The following TMCO1 variants were observed in gnomAD, a reference collection of about 807,000 sequenced individuals.
The protein encoded by TMCO1 is transmembrane and coiled-coil domains 1.
TMCO1 carries 29 observed loss-of-function variants against 29.3 expected under a neutral mutation model. That is an observed-to-expected ratio of 0.99 (90% CI 0.74 to 1.35). The LOEUF (loss-of-function observed/expected upper bound fraction) is 1.35, where lower values mean the gene tolerates loss of function less well. Among genes scored for constraint, TMCO1 ranks in the 40% most tolerant of loss-of-function variants. The pLI, the probability that TMCO1 is intolerant of heterozygous loss-of-function variation, is 0.00. For missense variants in TMCO1, 173 were observed against 225.5 expected, an observed-to-expected ratio of 0.77 and a Z score of 1.49; for synonymous variants, 80 against 77.1, an observed-to-expected ratio of 1.04 and a Z score of -0.20.
At chr1:165,741,134 A>G (rs531928112) in intron 6 of TMCO1, among the ~76,000 whole-genome samples, 1 of 152,190 alleles carries the variant, frequency 6.6e-6, no homozygotes, top group Non-Finnish European at 1.5e-5. Flanking sequence ...TTCTATTCCC[A>G]GTCTCTTAGT....
At chr1:165,766,987 A>C (rs1211593200) in intron 2 of TMCO1, among the ~76,000 whole-genome samples, 2 of 152,184 alleles carry the variant, frequency 1.3e-5, no homozygotes, top group African/African-American at 2.4e-5. Flanking sequence ...GCTGAGGTAC[A>C]TAATCAACAC....
chr1:165,725,958 G>A (rs1186301111), downstream of TMCO1: 1 of 665,718 alleles, frequency 1.5e-6, no homozygotes, highest in Non-Finnish European at 2.8e-6. Flanking sequence ...TCCTTACCAT[G>A]GAAACATAAT....
chr1:165,758,264 C>T (rs1366848612), intron 3 of TMCO1, among the ~76,000 whole-genome samples: 1 of 151,920 alleles, frequency 6.6e-6, no homozygotes, highest in Non-Finnish European at 1.5e-5. Context: ...ATTTCTGTTC[C>T]TCAAGACTCT....
intron 5 of TMCO1, among the ~76,000 whole-genome samples, chr1:165,744,519 C>T (rs1203964927): frequency 3.9e-5 from 6 of 151,978 alleles, no homozygotes; most frequent in South Asian, 2.1e-4. Flanking sequence ...AGGCTGGGCA[C>T]GGTGGCTCAC....
intron 6 of TMCO1, among the ~76,000 whole-genome samples, chr1:165,728,900 G>A (rs964986775): frequency 2.6e-5 from 4 of 151,830 alleles, no homozygotes; most frequent in Non-Finnish European, 4.4e-5. Flanking sequence ...AGTTCAAGAC[G>A]AGCTTGGACA....
chr1:165,744,813 T>A (rs962904794), intron 5 of TMCO1, among the ~76,000 whole-genome samples: 6 of 137,346 alleles, frequency 4.4e-5, no homozygotes, highest in Non-Finnish European at 8.0e-5. Flanking sequence ...AAAAAAAAAA[T>A]TTCAATTCTA....
At chr1:165,749,703 A>T (rs570471111) in intron 5 of TMCO1, among the ~76,000 whole-genome samples, 9 of 152,292 alleles carry the variant, frequency 5.9e-5, no homozygotes, top group South Asian at 4.1e-4. Flanking sequence ...CAGGAAAAAA[A>T]TTTTTCTATA....
chr1:165,760,600 G>C (rs536884177), intron 2 of TMCO1, among the ~76,000 whole-genome samples: 3 of 152,048 alleles, frequency 2.0e-5, no homozygotes, highest in Non-Finnish European at 2.9e-5. Context: ...TCAAGAGATT[G>C]AGATCATCCT....
chr1:165,729,769 G>T (rs1651069139), intron 6 of TMCO1, among the ~76,000 whole-genome samples: 1 of 152,162 alleles, frequency 6.6e-6, no homozygotes, highest in African/African-American at 2.4e-5. Context: ...AGCACAGTTA[G>T]AATTTAAACC....
chr1:165,749,508 T>G (rs1347016434), intron 5 of TMCO1, among the ~76,000 whole-genome samples: 1 of 152,122 alleles, frequency 6.6e-6, no homozygotes, highest in East Asian at 1.9e-4. Context: ...TATTTAAATA[T>G]AACAAGTAGG....
intron 2 of TMCO1, among the ~76,000 whole-genome samples, chr1:165,764,411 G>T (rs56207262): frequency 6.6e-6 from 1 of 152,170 alleles, no homozygotes; most frequent in African/African-American, 2.4e-5. Context: ...TAAAACTGCA[G>T]TTGTGACAAC....
In TMCO1 at chr1:165,727,146, T is replaced by A; in HGVS notation, c.*877A>T. ...GGCAGAAAATGAAGGCTATTGTGAC[T>A]AAAAGGAAGCTCTGCGAGATTAACA... On this transcript the variant is annotated 3_prime_UTR_variant, in exon 7 of 7. Transcript: ENST00000367881. 2.2e-6 allele frequency: 1 copy of A among 454,078 alleles called. No individual in the cohort carries two copies. Among genetic ancestry groups the A allele is most frequent in the Non-Finnish European group, 4.4e-6 (1 of 226,782 alleles). 28.1% of individuals were successfully genotyped at this position (454,078 alleles called of 1,614,324 possible). A position where few individuals can be genotyped will look rare whatever the true frequency, so the allele number is the denominator to read the frequency against.
intron 5 of TMCO1, among the ~76,000 whole-genome samples, chr1:165,751,435 G>T (rs1428026743): frequency 6.6e-6 from 1 of 152,066 alleles, no homozygotes; most frequent in African/African-American, 2.4e-5. Context: ...TGGGCGTGGT[G>T]GCTCACGCCT....
downstream of TMCO1, chr1:165,724,463 A>G (rs1243833114): frequency 4.4e-6 from 2 of 454,032 alleles, no homozygotes; most frequent in Non-Finnish European, 8.8e-6. Flanking sequence ...GTAAGAGGGC[A>G]GAGAGATGCT....
At chr1:165,724,980 CTCTCTT>C (rs780755534), downstream of TMCO1, 242 of 390,154 alleles carry the variant, frequency 6.2e-4, 1 homozygote, top group Middle Eastern at 5.5e-3. Context: ...GTTCTTTATT[CTCTCTT>C]TCTCTCTCTC....
At chr1:165,730,177 A>AAG (rs1651090738) in intron 6 of TMCO1, among the ~76,000 whole-genome samples, 1 of 148,864 alleles carries the variant, frequency 6.7e-6, no homozygotes, top group African/African-American at 2.5e-5. Flanking sequence ...CACACACAAA[A>AAG]AAAAAAAAAT....
At chr1:165,754,552 T>C (rs1652120355) in intron 3 of TMCO1, among the ~76,000 whole-genome samples, 1 of 152,222 alleles carries the variant, frequency 6.6e-6, no homozygotes. Context: ...TATATGCTTA[T>C]GTTACACCAA....
intron 5 of TMCO1, among the ~76,000 whole-genome samples, chr1:165,744,637 A>G (rs1651720612): frequency 6.6e-6 from 1 of 151,978 alleles, no homozygotes; most frequent in African/African-American, 2.4e-5. Context: ...CTAAAAATAC[A>G]AAATTAGCCG....
At chr1:165,759,736 A>C in intron 2 of TMCO1, 152 bp from the exon 3 acceptor site, 2 of 644,616 alleles carry the variant, frequency 3.1e-6, no homozygotes, top group Non-Finnish European at 2.8e-6. Context: ...GTCCACTCTC[A>C]TAGCTACTGA....
Sources: gnomAD v4.1 joint callset for allele counts (sites outside exome capture counted in the v4.1 genomes callset) on GRCh38, gnomAD v4.1.1 for gene constraint, MANE v1.5 for transcripts, NCBI Gene and HGNC (gene_info 2026-07-23, HGNC 2026-07-21) for gene names.